The following GOSR1 variants were observed in gnomAD, a reference collection of about 807,000 sequenced individuals.
The protein encoded by GOSR1 is 28 kDa Golgi SNARE protein.
Under a neutral mutation model 35.5 loss-of-function variants are expected in GOSR1, and 21 were observed. The ratio of observed to expected loss-of-function variants is 0.59; its 90% CI spans 0.42 to 0.85. GOSR1 has a LOEUF of 0.85. Among genes scored for constraint, GOSR1 ranks in the 40% least tolerant of loss-of-function variants. GOSR1 has a pLI of 0.00. For missense variants in GOSR1, 285 were observed against 309.6 expected (o/e 0.92, Z 0.60); for synonymous variants, 94 against 106.6 (o/e 0.88, Z 0.73).
intron 4 of GOSR1, 43 bp downstream of exon 4, chr17:30,484,813 T>C: frequency 2.8e-6 from 3 of 1,063,020 alleles, no homozygotes; most frequent in Non-Finnish European, 4.4e-6. Context: ...CACAGGAGTT[T>C]GGGTTTTTTT....
chr17:30,498,115 A>G (rs945739387), intron 6 of GOSR1, among the ~76,000 whole-genome samples: 1 of 150,812 alleles, frequency 6.6e-6, no homozygotes, highest in Non-Finnish European at 1.5e-5. Context: ...CATTAGTCTT[A>G]TTATATATCA....
chr17:30,507,550 C>G (rs912536488), intron 6 of GOSR1, among the ~76,000 whole-genome samples: 41 of 152,128 alleles, frequency 2.7e-4, no homozygotes, highest in African/African-American at 9.4e-4. Context: ...TAGTGAAACC[C>G]CAACTCTACT....
chr17:30,521,167 CTTTTTTTTTTTTTTTTTT>C (rs71360748), intron 8 of GOSR1, among the ~76,000 whole-genome samples: 1 of 64,208 alleles, frequency 1.6e-5, no homozygotes, highest in Admixed American at 2.1e-4. Context: ...TTCTCTCTCT[CTTTTTTTTTTTTTTTTTT>C]TTTTTTTTTT....
intron 8 of GOSR1, 49 bp from the exon 9 acceptor site, chr17:30,522,205 C>A: frequency 1.3e-6 from 2 of 1,529,610 alleles, no homozygotes; most frequent in South Asian, 1.3e-5. Context: ...TACGACTTTT[C>A]GCCAGAGAGG....
At chr17:30,482,393 G>T (rs1914415053) in intron 2 of GOSR1, among the ~76,000 whole-genome samples, 2 of 152,146 alleles carry the variant, frequency 1.3e-5, no homozygotes, top group African/African-American at 4.8e-5. Flanking sequence ...ACATAAGAGT[G>T]TTCATTATAT....
chr17:30,483,416 T>G lies in GOSR1; in HGVS notation c.147-798T>G, dbSNP rs78154029. ...TAGGTGCTAGGCATATATCTATGAA[T>G]AAGACAGAGCAGTTTTTTCCTTCCT... On this transcript the variant is annotated intron_variant, in intron 2 of 8. Transcript: ENST00000451249. Among the ~76,000 whole-genome samples, 1,008 of 152,352 alleles carry G rather than the reference T, an allele frequency of 6.6e-3. 11 individuals are homozygous for G. The highest frequency in any genetic ancestry group is 0.023 in the African/African-American group (974 of 41,578).
In GOSR1 at chr17:30,492,680, T is replaced by C. The variant is rs748940307; in HGVS notation, c.436T>C (p.Ser146Pro). ...TTTAAATTTTCTCTTTTGTCCCAGG[T>C]CATATAAAAGTGGGTCTGGAGTAAA... ...LMGSVRKDIE[S>P]YKSGSGVNNR... Residue 146 changes from serine to proline, a missense_variant and splice_region_variant, in exon 6 of 9, where the codon TCA becomes CCA. Ser to Pro is a moderately conservative substitution (Grantham distance 74). Around this residue, in one of 3 missense-constraint regions of GOSR1, gnomAD observed 168 missense variants for 183.2 expected, o/e 0.92. Coordinates refer to ENST00000451249, the MANE Select transcript of GOSR1 (RefSeq NM_001007025.2). 4 of 1,566,462 alleles carry C rather than the reference T, an allele frequency of 2.6e-6. No individual in the cohort carries two copies. In the South Asian group the frequency reaches 3.3e-5, roughly 13 times the overall value.
intron 1 of GOSR1, among the ~76,000 whole-genome samples, chr17:30,478,147 G>A (rs1914076237): frequency 6.6e-6 from 1 of 152,216 alleles, no homozygotes; most frequent in Non-Finnish European, 1.5e-5. Flanking sequence ...AAACCTTCCT[G>A]TGATTTGACA....
intron 4 of GOSR1, among the ~76,000 whole-genome samples, chr17:30,489,038 A>G (rs1914861103): frequency 6.6e-6 from 1 of 152,232 alleles, no homozygotes; most frequent in African/African-American, 2.4e-5. Context: ...AATGTATATT[A>G]TGACTTACTT....
chr17:30,523,144 C>T lies in GOSR1; in HGVS notation c.*766C>T, dbSNP rs559259826. The T allele has an allele frequency of 3.7e-5, 7 of 191,286 alleles. No individual in the cohort carries two copies. Among genetic ancestry groups the T allele is most frequent in the Admixed American group, 2.5e-4 (4 of 16,138 alleles). The allele number at this position is 191,286 out of a possible 1,614,324, so 11.8% of individuals were successfully genotyped here. ...AAGTGCCGAGATTGCAGCCTCTGCC[C>T]GGCCGCCACCCCGTCTGGAAAGTGA... is the stretch of plus-strand genomic sequence containing the variant. On this transcript the variant is annotated 3_prime_UTR_variant, in exon 9 of 9. Coordinates refer to ENST00000451249, the MANE Select transcript of GOSR1 (RefSeq NM_001007025.2).
chr17:30,481,424 G>A, intron 2 of GOSR1, 167 bp downstream of exon 2: 1 of 451,830 alleles, frequency 2.2e-6, no homozygotes, highest in Non-Finnish European at 4.0e-6. Context: ...AAATTCTTCT[G>A]AATTCTCGAG....
At chr17:30,477,842 A>G in intron 1 of GOSR1, 1 of 985,266 alleles carries the variant, frequency 1.0e-6, no homozygotes, top group Non-Finnish European at 1.2e-6. Flanking sequence ...AGAGCCCCGG[A>G]GACTGGAGGA....
intron 6 of GOSR1, among the ~76,000 whole-genome samples, chr17:30,499,525 T>G (rs936742040): frequency 9.2e-5 from 14 of 152,152 alleles, no homozygotes; most frequent in Non-Finnish European, 2.1e-4. Flanking sequence ...GTATTTTTAG[T>G]AGAGACGGGG....
At chr17:30,499,517 A>G (rs546761705) in intron 6 of GOSR1, among the ~76,000 whole-genome samples, 1 of 151,950 alleles carries the variant, frequency 6.6e-6, no homozygotes, top group East Asian at 1.9e-4. Flanking sequence ...AATTTTTTGT[A>G]TTTTTAGTAG....
At position 30,526,290 on chromosome 17, in the gene GOSR1, C is replaced by T. The variant is rs963565792; in HGVS notation, c.*3912C>T. The T allele has an allele frequency of 6.6e-6, 1 of 152,166 alleles. No homozygotes were observed. The highest frequency in any genetic ancestry group is 2.4e-5 in the African/African-American group (1 of 41,444). The allele number at this position is 152,166 out of a possible 1,614,324, so 9.4% of individuals were successfully genotyped here. ...TATTGTCTTATTATAATGAATCTTT[C>T]CTTTTTGGTCCTTTTAAGTAACCAC... On this transcript the variant is annotated 3_prime_UTR_variant, in exon 9 of 9. Coordinates refer to ENST00000451249, the MANE Select transcript of GOSR1 (RefSeq NM_001007025.2).
At chr17:30,518,698 G>A (rs538416040) in intron 7 of GOSR1, among the ~76,000 whole-genome samples, 13 of 152,266 alleles carry the variant, frequency 8.5e-5, no homozygotes, top group South Asian at 2.1e-4. Context: ...GGAGGCGGAG[G>A]TAGGAGGATG....
chr17:30,520,114 G>A, intron 8 of GOSR1, 93 bp downstream of exon 8: 1 of 779,002 alleles, frequency 1.3e-6, no homozygotes, highest in Non-Finnish European at 2.3e-6. Context: ...GCCATCATCA[G>A]TAGCAGTAGA....
chr17:30,519,332 C>T (rs1046083549), intron 7 of GOSR1, among the ~76,000 whole-genome samples: 1 of 152,168 alleles, frequency 6.6e-6, no homozygotes, highest in African/African-American at 2.4e-5. Context: ...GCTGGGATTA[C>T]AGACGTGAGC....
At chr17:30,494,334 A>C (rs1966911173) in intron 6 of GOSR1, among the ~76,000 whole-genome samples, 1 of 152,176 alleles carries the variant, frequency 6.6e-6, no homozygotes, top group Non-Finnish European at 1.5e-5. Flanking sequence ...TATATGGTGG[A>C]TAAAGTAACT....
Sources: gnomAD v4.1 joint callset for allele counts (sites outside exome capture counted in the v4.1 genomes callset) on GRCh38, gnomAD v4.1.1 for gene constraint, gnomAD v4.1.1 regional missense constraint, MANE v1.5 for transcripts, NCBI Gene and HGNC (gene_info 2026-07-23, HGNC 2026-07-21) for gene names.